The following CNTNAP5 variants were observed in gnomAD, a reference collection of about 807,000 sequenced individuals.
CNTNAP5 encodes contactin associated protein family member 5, also known as contactin-associated protein-like 5.
CNTNAP5 carries 72 observed loss-of-function variants against 150.2 expected under a neutral mutation model. The observed-to-expected ratio is 0.48, with a 90% CI of 0.40 to 0.58. The LOEUF (loss-of-function observed/expected upper bound fraction) is 0.58, where lower values mean the gene tolerates loss of function less well. Ranked by LOEUF, CNTNAP5 falls within the 20% of genes least tolerant of loss-of-function variation. CNTNAP5 has a pLI of 0.00. For synonymous variants in CNTNAP5, 672 were observed against 619.8 expected (o/e 1.08, Z -1.25); for missense variants, 1,636 against 1,626.2 (o/e 1.01, Z -0.10).
intron 21 of CNTNAP5, among the ~76,000 whole-genome samples, chr2:124,895,494 C>T (rs1047019844): frequency 2.6e-5 from 4 of 151,478 alleles, no homozygotes; most frequent in African/African-American, 7.3e-5. Context: ...GGTGTGGTGG[C>T]ATGTGCCTGT....
intron 11 of CNTNAP5, among the ~76,000 whole-genome samples, chr2:124,599,351 T>A (rs954330743): frequency 7.2e-5 from 11 of 152,176 alleles, no homozygotes; most frequent in African/African-American, 2.4e-4. Flanking sequence ...TTGTGAATTA[T>A]TTATTTAAAT....
At chr2:124,540,431 A>G (rs1298983955) in intron 10 of CNTNAP5, among the ~76,000 whole-genome samples, 2 of 152,198 alleles carry the variant, frequency 1.3e-5, no homozygotes, top group African/African-American at 2.4e-5. Context: ...TAGCCTGTGA[A>G]TTCTGATGCA....
Position 124,201,682 on chromosome 2 carries a change from G to C in CNTNAP5, c.83-20023G>C, listed in dbSNP as rs140874457. On this transcript the variant is annotated intron_variant, in intron 1 of 23. Transcript: ENST00000682447. ...TATCATGTTAAGCAGTAAGTGACAG[G>C]TGCCCCTGTTGTCTGGTTCTGAATT... Among the ~76,000 whole-genome samples, 466 of 152,342 alleles carry C rather than the reference G, an allele frequency of 3.1e-3. 2 individuals carry two copies. Among genetic ancestry groups the C allele is most frequent in the African/African-American group, 0.011 (449 of 41,582 alleles).
At chr2:124,419,896 T>TCTTCTTTC (rs1553466615) in intron 4 of CNTNAP5, among the ~76,000 whole-genome samples, 3 of 85,234 alleles carry the variant, frequency 3.5e-5, no homozygotes, top group Non-Finnish European at 6.8e-5. Flanking sequence ...ACTGGATTGG[T>TCTTCTTTC]TTTCTTTCTT....
chr2:124,191,053 G>A (rs1208270252), intron 1 of CNTNAP5, among the ~76,000 whole-genome samples: 1 of 152,132 alleles, frequency 6.6e-6, no homozygotes, highest in Non-Finnish European at 1.5e-5. Context: ...TGGAACAAAA[G>A]CTGTAAATAT....
At chr2:124,596,042 A>T in intron 11 of CNTNAP5, among the ~76,000 whole-genome samples, 1 of 119,406 alleles carries the variant, frequency 8.4e-6, no homozygotes, top group South Asian at 3.4e-4. Context: ...TTTCTTTATT[A>T]GTCTTGCTAG....
chr2:124,250,797 A>G (rs1281145139), intron 3 of CNTNAP5, among the ~76,000 whole-genome samples: 1 of 151,134 alleles, frequency 6.6e-6, no homozygotes, highest in African/African-American at 2.5e-5. Context: ...GAATCTCTCA[A>G]GTATTTTTTT....
chr2:124,280,127 G>A (rs185412390), intron 3 of CNTNAP5, among the ~76,000 whole-genome samples: 42 of 151,562 alleles, frequency 2.8e-4, no homozygotes, highest in African/African-American at 8.7e-4. Flanking sequence ...AAACATCTCA[G>A]CCACCTTCTC....
chr2:124,413,181 A>C (rs1372660418), intron 3 of CNTNAP5, among the ~76,000 whole-genome samples: 3 of 140,238 alleles, frequency 2.1e-5, no homozygotes, highest in Non-Finnish European at 4.8e-5. Flanking sequence ...CCACAATGAG[A>C]TACCATCTCA....
chr2:124,786,518 AGAAAGAGAAAGAAAG>A lies in CNTNAP5; in HGVS notation c.2753-3377_2753-3363del, dbSNP rs1169008843. Reference sequence around the variant, plus strand: ...AAGGGAGGGAAAGAAAAAGAAAGAAAGAAAGAGAAAGAAAGGAAAGAAAGAGAAAGGAAAGAAAGA... The same window carrying A: ...AAGGGAGGGAAAGAAAAAGAAAGAAAGAAAGAAAGAGAAAGGAAAGAAAGA... On this transcript the variant is annotated intron_variant, in intron 17 of 23. Transcript: ENST00000682447. Among the ~76,000 whole-genome samples the A allele has an allele frequency of 9.5e-3, 1,430 of 150,178 alleles. 37 individuals are homozygous for A. Among genetic ancestry groups the A allele is most frequent in the African/African-American group, 0.034 (1,358 of 40,026 alleles).
At chr2:124,704,029 A>G (rs989994396) in intron 13 of CNTNAP5, among the ~76,000 whole-genome samples, 1 of 152,208 alleles carries the variant, frequency 6.6e-6, no homozygotes, top group Non-Finnish European at 1.5e-5. Flanking sequence ...TCACCATTCG[A>G]ACAGCATTGC....
At chr2:124,577,790 G>GGATCTGCACAGACAGAGAATAT (rs1376760502) in intron 11 of CNTNAP5, among the ~76,000 whole-genome samples, 1 of 152,054 alleles carries the variant, frequency 6.6e-6, no homozygotes, top group Non-Finnish European at 1.5e-5. Flanking sequence ...GGCATACATG[G>GGATCTGCACAGACAGAGAATAT]GATCTGCACA....
intron 1 of CNTNAP5, among the ~76,000 whole-genome samples, chr2:124,140,271 C>T (rs1430862419): frequency 6.6e-6 from 1 of 151,430 alleles, no homozygotes; most frequent in African/African-American, 2.4e-5. Flanking sequence ...GAAGCTCCAA[C>T]TGGGTGGAGC....
chr2:124,822,271 G>A (rs1682507976), intron 19 of CNTNAP5, among the ~76,000 whole-genome samples: 1 of 152,054 alleles, frequency 6.6e-6, no homozygotes, highest in African/African-American at 2.4e-5. Flanking sequence ...GCTTAGACAG[G>A]GTTGATGTGA....
intron 1 of CNTNAP5, among the ~76,000 whole-genome samples, chr2:124,194,498 C>A (rs1412365397): frequency 6.7e-6 from 1 of 149,710 alleles, no homozygotes; most frequent in Non-Finnish European, 1.5e-5. Flanking sequence ...GACAAACATG[C>A]ATTTACTGGT....
chr2:124,655,951 G>GAAAGAAAGAAAGAAAGAAAGAAAGAAAT (rs1678440633), intron 13 of CNTNAP5, among the ~76,000 whole-genome samples: 2 of 107,568 alleles, frequency 1.9e-5, no homozygotes, highest in Non-Finnish European at 3.7e-5. Context: ...GAGAGAGAAA[G>GAAAGAAAGAAAGAAAGAAAGAAAGAAAT]AAAGAAAGAA....
At chr2:124,119,944 C>G (rs1683522096) in intron 1 of CNTNAP5, among the ~76,000 whole-genome samples, 1 of 152,122 alleles carries the variant, frequency 6.6e-6, no homozygotes, top group South Asian at 2.1e-4. Flanking sequence ...AAACTTGGAA[C>G]CACCTTGAGG....
intron 19 of CNTNAP5, among the ~76,000 whole-genome samples, chr2:124,860,732 A>C (rs1247684579): frequency 1.3e-5 from 2 of 152,054 alleles, no homozygotes; most frequent in Non-Finnish European, 2.9e-5. Flanking sequence ...AACACAGTAC[A>C]TGTTAGAATA....
intron 21 of CNTNAP5, among the ~76,000 whole-genome samples, chr2:124,884,015 G>C (rs1374996999): frequency 6.6e-6 from 1 of 152,064 alleles, no homozygotes; most frequent in Non-Finnish European, 1.5e-5. Context: ...CCATGCACGT[G>C]CATATGTGTA....
Sources: allele counts gnomAD v4.1 joint callset (sites outside exome capture counted in the v4.1 genomes callset), GRCh38; gene constraint gnomAD v4.1.1; transcripts MANE v1.5; gene names NCBI Gene and HGNC (gene_info 2026-07-23, HGNC 2026-07-21).